Variants in AGT observed in about 807,000 individuals in gnomAD.
AGT encodes the protein alpha-1 antiproteinase, antitrypsin.
In AGT, 26 loss-of-function variants were observed where a neutral mutation model predicts 28.1. That is an observed-to-expected ratio of 0.92 (90% CI 0.68 to 1.28). The LOEUF (loss-of-function observed/expected upper bound fraction) is 1.28, where lower values mean the gene tolerates loss of function less well. Among genes scored for constraint, AGT ranks in the 50% most tolerant of loss-of-function variants. The pLI is 0.00. For missense variants in AGT, 596 were observed against 592.3 expected (o/e 1.01, Z -0.06); for synonymous variants, 259 against 259.6 (o/e 1.00, Z 0.02).
chr1:230,740,378 G>A (rs962154434), intron 1 of AGT, among the ~76,000 whole-genome samples: 2 of 151,988 alleles, frequency 1.3e-5, no homozygotes, highest in South Asian at 2.1e-4. Flanking sequence ...GACTAAGAAC[G>A]CCTAACCTCC....
chr1:230,710,886 G>A, intron 1 of AGT, 33 bp from the exon 2 acceptor site: 1 of 1,604,410 alleles, frequency 6.2e-7, no homozygotes. Context: ...GTGAAAGGTG[G>A]TTATTAACTG....
At chr1:230,728,022 A>T (rs1663976788) in intron 1 of AGT, among the ~76,000 whole-genome samples, 1 of 152,216 alleles carries the variant, frequency 6.6e-6, no homozygotes, top group South Asian at 2.1e-4. Flanking sequence ...TTTGGTAGGC[A>T]GGTGGCTAGA....
intron 1 of AGT, among the ~76,000 whole-genome samples, chr1:230,744,928 G>C (rs945620736): frequency 1.3e-5 from 2 of 152,174 alleles, no homozygotes; most frequent in Non-Finnish European, 2.9e-5. Flanking sequence ...TTTCCCTGCC[G>C]AGGTGTCACC....
upstream of AGT, among the ~76,000 whole-genome samples, chr1:230,718,691 A>T: frequency 1.4e-5 from 2 of 145,442 alleles, no homozygotes. Flanking sequence ...CCAGTCATCC[A>T]TGTTGTAGCA....
At chr1:230,744,072 G>A (rs1043030377) in intron 1 of AGT, among the ~76,000 whole-genome samples, 4 of 152,220 alleles carry the variant, frequency 2.6e-5, no homozygotes, top group Admixed American at 2.6e-4. Context: ...CTCTAGGCTA[G>A]CGACAAGCTG....
At position 230,706,150 on chromosome 1, in the gene AGT, C is replaced by T. The variant is rs751803341; in HGVS notation, c.880G>A (p.Asp294Asn). The T allele has an allele frequency of 6.2e-6, 10 of 1,613,994 alleles. No individual in the cohort carries two copies. The highest frequency in any genetic ancestry group is 8.5e-6 in the Non-Finnish European group (10 of 1,179,926). ...GGAACAGACACTGAGGTGCTGTTGT[C>T]CACCCAGAACTCCTGGGGCTCGGCC... Reference protein sequence around the residue: ...LLAEPQEFWVDNSTSVSVPML... With the variant: ...LLAEPQEFWVNNSTSVSVPML... Residue 294 changes from aspartate to asparagine, a missense_variant, in exon 3 of 5, where the codon GAC becomes AAC. By Grantham distance (23) the Asp-to-Asn change is conservative. Coordinates refer to ENST00000366667, the MANE Select transcript of AGT (RefSeq NM_001384479.1).
At chr1:230,744,140 C>T (rs888935791) in intron 1 of AGT, among the ~76,000 whole-genome samples, 1 of 152,226 alleles carries the variant, frequency 6.6e-6, no homozygotes, top group Non-Finnish European at 1.5e-5. Context: ...AGCCCTTTCC[C>T]TCTGAGCCAC....
At chr1:230,721,327 G>A (rs539922263) in intron 1 of AGT, among the ~76,000 whole-genome samples, 2 of 152,276 alleles carry the variant, frequency 1.3e-5, no homozygotes, top group Admixed American at 6.5e-5. Flanking sequence ...AGGACCAAAA[G>A]CCAGCAAGCA....
chr1:230,715,361 G>C (rs955291819), upstream of AGT, among the ~76,000 whole-genome samples: 9 of 152,148 alleles, frequency 5.9e-5, no homozygotes, highest in Admixed American at 3.9e-4. Context: ...CAGCGACTTA[G>C]AGGTGGCTTT....
chr1:230,729,190 C>T (rs1664005948), intron 1 of AGT, among the ~76,000 whole-genome samples: 1 of 152,340 alleles, frequency 6.6e-6, no homozygotes, highest in South Asian at 2.1e-4. Context: ...TGACCCCCAC[C>T]TTCCACTCTC....
At chr1:230,717,447 G>A (rs969715559), upstream of AGT, among the ~76,000 whole-genome samples, 4 of 152,248 alleles carry the variant, frequency 2.6e-5, no homozygotes, top group East Asian at 1.9e-4. Context: ...TTATGTATAT[G>A]ATGCAATCAA....
intron 1 of AGT, among the ~76,000 whole-genome samples, chr1:230,736,505 C>T (rs186893511): frequency 1.3e-5 from 2 of 152,130 alleles, no homozygotes; most frequent in Admixed American, 1.3e-4. Flanking sequence ...GGTGACAGAG[C>T]GAGACTCCAT....
At chr1:230,731,880 A>G (rs916146669) in intron 1 of AGT, among the ~76,000 whole-genome samples, 1 of 151,934 alleles carries the variant, frequency 6.6e-6, no homozygotes, top group Non-Finnish European at 1.5e-5. Flanking sequence ...AAAAATAATA[A>G]CAACAACAAC....
intron 4 of AGT, among the ~76,000 whole-genome samples, chr1:230,703,838 T>G (rs1015231428): frequency 6.6e-6 from 1 of 152,200 alleles, no homozygotes; most frequent in Non-Finnish European, 1.5e-5. Flanking sequence ...AGCATTTCCC[T>G]GAAGAAGGGG....
intron 2 of AGT, among the ~76,000 whole-genome samples, chr1:230,709,437 A>T (rs993862701): frequency 3.2e-4 from 18 of 56,398 alleles, no homozygotes; most frequent in East Asian, 2.8e-3. Context: ...CTGTCTCAAT[A>T]AAAAAAAAAA....
chr1:230,704,232 G>T lies in AGT; in HGVS notation c.1203C>A (p.Asn401Lys). 1 of 1,614,230 alleles carries T rather than the reference G, an allele frequency of 6.2e-7. No individual in the cohort carries two copies. ...ELPAILHTEL[N>K]LQKLSNDRIR... ...TGCGGTCATTGCTCAATTTTTGCAG[G>T]TTCAGCTCGGTGTGCAGAATGGCGG... The change falls in exon 4 of 5, where the codon AAC becomes AAA. Residue 401 changes from asparagine to lysine, a missense_variant. Physicochemically the swap from Asn to Lys is moderately conservative, Grantham distance 94 (BLOSUM62 0). Transcript: ENST00000366667.
chr1:230,709,892 G>A (rs773436169), intron 2 of AGT, 103 bp downstream of exon 2: 81 of 1,551,732 alleles, frequency 5.2e-5, no homozygotes, highest in Middle Eastern at 2.1e-4. Flanking sequence ...AGGTATGTCC[G>A]CAGGGCTGCC....
chr1:230,711,710 A>G (rs1277335277), intron 1 of AGT, among the ~76,000 whole-genome samples: 1 of 151,908 alleles, frequency 6.6e-6, no homozygotes, highest in Non-Finnish European at 1.5e-5. Flanking sequence ...CCAGCTCTCA[A>G]CCATCCCTGC....
intron 2 of AGT, among the ~76,000 whole-genome samples, chr1:230,706,610 ACTTTAGG>A (rs1167046758): frequency 2.6e-5 from 4 of 152,140 alleles, no homozygotes; most frequent in Non-Finnish European, 1.5e-5. Flanking sequence ...TTTTAGAGTG[ACTTTAGG>A]TTCACAGCAA....
Sources: gnomAD v4.1 joint callset for allele counts (sites outside exome capture counted in the v4.1 genomes callset) on GRCh38, gnomAD v4.1.1 for gene constraint, MANE v1.5 for transcripts, NCBI Gene and HGNC (gene_info 2026-07-23, HGNC 2026-07-21) for gene names.